Variants in RAB2A observed in about 807,000 individuals in gnomAD.
The protein encoded by RAB2A is ras-related protein Rab-2A.
In RAB2A, 7 loss-of-function variants were observed where a neutral mutation model predicts 32.5. The ratio of observed to expected loss-of-function variants is 0.22; its 90% confidence interval spans 0.12 to 0.40. The LOEUF is 0.40. Ranked by LOEUF, RAB2A falls within the 10% of genes least tolerant of loss-of-function variation. The probability of loss-of-function intolerance (pLI) is 1.00; values close to 1 mark genes in which losing one functional copy is unlikely to be tolerated. For synonymous variants in RAB2A, 79 were observed against 85.2 expected (o/e 0.93, Z 0.40); for missense variants, 108 against 260.7 (o/e 0.41, Z 4.03).
intron 6 of RAB2A, among the ~76,000 whole-genome samples, chr8:60,598,847 G>A (rs535452227): frequency 2.1e-5 from 3 of 143,690 alleles, no homozygotes; most frequent in Non-Finnish European, 4.5e-5. Context: ...AAGGTCGAAG[G>A]CCTTGTTCCT....
intron 3 of RAB2A, among the ~76,000 whole-genome samples, chr8:60,576,081 G>C (rs1803619752): frequency 6.6e-6 from 1 of 152,178 alleles, no homozygotes; most frequent in Non-Finnish European, 1.5e-5. Flanking sequence ...CTCCTTGGAG[G>C]CATGAAGGCC....
At chr8:60,531,629 A>T (rs1320613771) in intron 1 of RAB2A, among the ~76,000 whole-genome samples, 1 of 152,090 alleles carries the variant, frequency 6.6e-6, no homozygotes, top group Non-Finnish European at 1.5e-5. Flanking sequence ...TTAACCACAA[A>T]ATGGCTCTCC....
chr8:60,532,721 G>C (rs1807496167), intron 1 of RAB2A, among the ~76,000 whole-genome samples: 1 of 152,158 alleles, frequency 6.6e-6, no homozygotes, highest in African/African-American at 2.4e-5. Flanking sequence ...TGTTGCCTAG[G>C]CTGGTCTCAA....
At chr8:60,595,688 G>A (rs1456687853) in intron 6 of RAB2A, among the ~76,000 whole-genome samples, 1 of 152,194 alleles carries the variant, frequency 6.6e-6, no homozygotes, top group African/African-American at 2.4e-5. Context: ...AGATGTGACA[G>A]TGCTAAACAT....
At chr8:60,525,827 G>A (rs117477101) in intron 1 of RAB2A, among the ~76,000 whole-genome samples, 1,917 of 151,506 alleles carry the variant, frequency 0.013, 29 homozygotes, top group South Asian at 0.047. Context: ...TGGGTAGGCT[G>A]CATGCATTGA....
intron 1 of RAB2A, among the ~76,000 whole-genome samples, chr8:60,539,386 T>G (rs1020432268): frequency 6.6e-6 from 1 of 152,226 alleles, no homozygotes; most frequent in East Asian, 1.9e-4. Flanking sequence ...ACATATTATC[T>G]CTTTTATTTC....
rs774366556 is a variant in RAB2A at position 60,620,798 on chromosome 8, G to C, written c.*29G>C. 1 of 1,588,784 alleles carries C rather than the reference G, an allele frequency of 6.3e-7. No homozygotes were observed. Among genetic ancestry groups the C allele is most frequent in the Admixed American group, 1.8e-5 (1 of 56,410 alleles). On this transcript the variant is annotated 3_prime_UTR_variant, in exon 8 of 8. Transcript: ENST00000262646. ...TGTTTTTACTGTCTAGCTGCCCAAC[G>C]GGGCCTACTCACTTATTCTTTCACC...
rs1362272042 is a variant in RAB2A at position 60,517,123 on chromosome 8, G to A, written c.-85G>A. 7.3e-7 allele frequency: 1 copy of A among 1,376,838 alleles called. No homozygotes were observed. The highest frequency in any genetic ancestry group is 9.6e-7 in the Non-Finnish European group (1 of 1,043,814). The allele number at this position is 1,376,838 out of a possible 1,614,324, so 85.3% of individuals were successfully genotyped here. On this transcript the variant is annotated 5_prime_UTR_variant, in exon 1 of 8. Transcript: ENST00000262646. The stretch of plus-strand genomic sequence containing the variant: ...GGCGGGCGGCGCCTGGCGTTTCGAG[G>A]CTGAGCGGCACCGGGGTTGGGGCGC...
chr8:60,582,419 G>A (rs10957146), intron 3 of RAB2A, among the ~76,000 whole-genome samples: 35,973 of 152,044 alleles, frequency 0.24, 4,280 homozygotes, highest in Middle Eastern at 0.39. Context: ...ATCTCAGCAC[G>A]TTAGGATTTA....
intron 1 of RAB2A, among the ~76,000 whole-genome samples, chr8:60,556,665 GGAA>G (rs986298776): frequency 8.9e-5 from 13 of 146,498 alleles, no homozygotes; most frequent in African/African-American, 2.3e-4. Context: ...AAAAAAAAGA[GGAA>G]GAAGAAGAAT....
At chr8:60,599,153 A>G (rs372349975) in intron 6 of RAB2A, among the ~76,000 whole-genome samples, 1 of 152,118 alleles carries the variant, frequency 6.6e-6, no homozygotes, top group African/African-American at 2.4e-5. Flanking sequence ...CATGAACACC[A>G]AAACTCAAAA....
chr8:60,615,780 T>C (rs896211333), intron 6 of RAB2A, among the ~76,000 whole-genome samples: 3 of 152,178 alleles, frequency 2.0e-5, no homozygotes, highest in African/African-American at 7.2e-5. Context: ...GTGCAAAGCC[T>C]AGTGTTATTG....
intron 1 of RAB2A, among the ~76,000 whole-genome samples, chr8:60,536,854 T>C (rs1807565491): frequency 6.6e-6 from 1 of 152,196 alleles, no homozygotes; most frequent in South Asian, 2.1e-4. Flanking sequence ...GAAGAAAATA[T>C]GATTCAGAAT....
intron 3 of RAB2A, among the ~76,000 whole-genome samples, chr8:60,580,553 A>G (rs1359529768): frequency 6.6e-6 from 1 of 152,214 alleles, no homozygotes; most frequent in African/African-American, 2.4e-5. Context: ...ACTCATCTTT[A>G]TTTATTATAA....
Position 60,623,320 on chromosome 8 carries a change from G to C in RAB2A, c.*2551G>C, listed in dbSNP as rs1202718706. 1 of 152,174 alleles carries C rather than the reference G, an allele frequency of 6.6e-6. No individual in the cohort carries two copies. Among genetic ancestry groups the C allele is most frequent in the African/African-American group, 2.4e-5 (1 of 41,440 alleles). The allele number at this position is 152,174 out of a possible 1,614,324, so 9.4% of individuals were successfully genotyped here. ...CTATTTATCTGCTAATGGTCAAAAA[G>C]AGTTAGGATATAAATCGTACCAAAA... On this transcript the variant is annotated 3_prime_UTR_variant, in exon 8 of 8. Transcript: ENST00000262646.
intron 1 of RAB2A, among the ~76,000 whole-genome samples, chr8:60,519,959 C>T (rs1419627153): frequency 6.6e-6 from 1 of 152,124 alleles, no homozygotes; most frequent in African/African-American, 2.4e-5. Context: ...CAGTGTGGCC[C>T]TCCCCTAGAA....
chr8:60,587,168 A>G (rs1351782009), intron 5 of RAB2A, among the ~76,000 whole-genome samples: 2 of 152,194 alleles, frequency 1.3e-5, no homozygotes, highest in Non-Finnish European at 2.9e-5. Context: ...ATAAGCAGAC[A>G]TAGATCAGTA....
At position 60,577,294 on chromosome 8, in the gene RAB2A, C is replaced by T. The variant is rs1480653343; in HGVS notation, c.186+5181C>T. ...AAACTCCTGGGCTCAAGCAATCTGC[C>T]CACCTTGGCCTCCCAAAGTGCTGGG... On this transcript the variant is annotated intron_variant, in intron 3 of 7. Transcript: ENST00000262646. Among the ~76,000 whole-genome samples the T allele has an allele frequency of 5.3e-5, 8 of 152,248 alleles. No individual in the cohort carries two copies. The East Asian group carries it at 1.5e-3, about 29-fold the overall frequency.
intron 6 of RAB2A, among the ~76,000 whole-genome samples, chr8:60,618,072 AAAT>A (rs1418732183): frequency 6.6e-6 from 1 of 152,230 alleles, no homozygotes; most frequent in Non-Finnish European, 1.5e-5. Flanking sequence ...TTTTATGGCC[AAAT>A]AATATTCTAC....
Sources: allele counts gnomAD v4.1 joint callset (sites outside exome capture counted in the v4.1 genomes callset), GRCh38; gene constraint gnomAD v4.1.1; transcripts MANE v1.5; gene names NCBI Gene and HGNC (gene_info 2026-07-23, HGNC 2026-07-21).